Variants in ORC3 observed in about 807,000 individuals in gnomAD.
ORC3 encodes origin recognition complex subunit 3, also known as homolog of latheo, Drosophila.
In ORC3, 78 loss-of-function variants were observed where a neutral mutation model predicts 100.7. The ratio of observed to expected loss-of-function variants is 0.77; its 90% CI spans 0.65 to 0.94. The LOEUF (loss-of-function observed/expected upper bound fraction) is 0.94. ORC3 is among the 40% of genes least tolerant of loss of function. ORC3 has a pLI of 0.00. For synonymous variants in ORC3, 295 were observed against 289.3 expected, an observed-to-expected ratio of 1.02 and a Z score of -0.20; for missense variants, 789 against 823.9, an observed-to-expected ratio of 0.96 and a Z score of 0.52.
chr6:87,603,255 CA>C (rs1017892923), intron 3 of ORC3, 128 bp from the exon 4 acceptor site: 17 of 525,604 alleles, frequency 3.2e-5, no homozygotes, highest in Admixed American at 3.0e-4. Context: ...AAGGAAAAAA[CA>C]TTTTTTAATT....
intron 13 of ORC3, among the ~76,000 whole-genome samples, chr6:87,639,754 C>G (rs7765139): frequency 1.4e-5 from 2 of 144,790 alleles, no homozygotes; most frequent in African/African-American, 5.2e-5. Flanking sequence ...CCAAGGTGGG[C>G]GGATCACTTG....
At chr6:87,606,689 T>C (rs1049583262) in intron 5 of ORC3, among the ~76,000 whole-genome samples, 1 of 152,008 alleles carries the variant, frequency 6.6e-6, no homozygotes, top group African/African-American at 2.4e-5. Context: ...GCCATTACGC[T>C]CAGCTACATC....
rs762938777 is a variant in ORC3, at chr6:87,658,016, G to C, written c.1689G>C (p.Val563=). The C allele has an allele frequency of 1.7e-5, 26 of 1,566,502 alleles. 1 individual carries two copies. In the South Asian group the frequency reaches 2.7e-4, roughly 16 times the overall value. The change falls in exon 16 of 20, where the codon GTG becomes GTC. Residue 563 remains valine (V), a splice_region_variant and synonymous_variant. Coordinates refer to ENST00000392844, the MANE Select transcript of ORC3 (RefSeq NM_012381.4). ...ENVVNFIDCL[V]REYLLPPETQ... The stretch of plus-strand genomic sequence containing the variant: ...TTGTGAACTTCATTGACTGTCTAGT[G>C]AGGTAAGTCTAAATTTAGCTCTTAA...
chr6:87,672,637 A>T, the ORC3 span, among the ~76,000 whole-genome samples: 5 of 152,210 alleles, frequency 3.3e-5, no homozygotes, highest in African/African-American at 4.8e-5. Flanking sequence ...TGCTTAAATC[A>T]CCTAGGCAGC....
At chr6:87,657,053 A>G (rs2307379) in intron 15 of ORC3, 71 bp downstream of exon 15, 568,540 of 997,830 alleles carry the variant, frequency 0.57, 164,227 homozygotes, top group African/African-American at 0.73. Context: ...CTCTAGATTA[A>G]CTCTGCCTGG....
Position 87,621,971 on chromosome 6 carries a change from A to G in ORC3, c.1143A>G (p.Ser381=), listed in dbSNP as rs752501577. 2 of 1,608,606 alleles carry G rather than the reference A, an allele frequency of 1.2e-6. No individual in the cohort carries two copies. Among genetic ancestry groups the G allele is most frequent in the Non-Finnish European group, 1.7e-6 (2 of 1,176,564 alleles). The change falls in exon 11 of 20, where the codon TCA becomes TCG. Residue 381 remains serine (S), a synonymous_variant. Coordinates refer to ENST00000392844, the MANE Select transcript of ORC3 (RefSeq NM_012381.4). ...SFRRYVEKQA[S]EKQVALLTNE... ...CTAGGTACGTGGAAAAGCAAGCTTC[A>G]GAAAAGCAAGTTGCGCTCTTGACCA...
chr6:87,616,251 T>A, intron 8 of ORC3, 63 bp from the exon 9 acceptor site: 1 of 629,138 alleles, frequency 1.6e-6, no homozygotes, highest in Middle Eastern at 4.3e-4. Context: ...TATTAATACT[T>A]AGTATTTATG....
At chr6:87,610,981 G>C (rs1778721231) in intron 7 of ORC3, among the ~76,000 whole-genome samples, 1 of 133,342 alleles carries the variant, frequency 7.5e-6, no homozygotes, top group South Asian at 2.4e-4. Context: ...CTGTCACCCA[G>C]GCTAGAGCGC....
chr6:87,663,996 A>C (rs928128177), intron 17 of ORC3, among the ~76,000 whole-genome samples: 1 of 152,212 alleles, frequency 6.6e-6, no homozygotes, highest in Non-Finnish European at 1.5e-5. Context: ...AATGGTTTTC[A>C]GTGATGGTGA....
At chr6:87,635,338 TA>T (rs1200060076) in intron 12 of ORC3, among the ~76,000 whole-genome samples, 12 of 152,192 alleles carry the variant, frequency 7.9e-5, no homozygotes, top group African/African-American at 2.2e-4. Flanking sequence ...ACACCCAGAA[TA>T]AAAAGAGAAG....
rs959831307 is a variant in ORC3, at chr6:87,603,565, G to A, written c.322+37G>A. ...TATGTTTGTTCATGCATGCATCTCT[G>A]TGTATTTCGTTTTTAAATTTTTTTT... On this transcript the variant is annotated intron_variant, in intron 4 of 19. Transcript: ENST00000392844. 14 of 1,357,672 alleles carry A rather than the reference G, an allele frequency of 1.0e-5. No homozygotes were observed. The African/African-American group carries it at 1.6e-4, about 15-fold the overall frequency. The allele number at this position is 1,357,672 out of a possible 1,614,324, so 84.1% of individuals were successfully genotyped here. A position where few individuals can be genotyped will look rare whatever the true frequency, so the allele number is the denominator to read the frequency against.
intron 13 of ORC3, among the ~76,000 whole-genome samples, chr6:87,639,362 C>G (rs1263620287): frequency 6.6e-6 from 1 of 152,176 alleles, no homozygotes; most frequent in Admixed American, 6.5e-5. Context: ...CTTCTGCCTC[C>G]GCTGCTCTTA....
chr6:87,642,493 G>C (rs748589880), intron 13 of ORC3, among the ~76,000 whole-genome samples: 1 of 152,122 alleles, frequency 6.6e-6, no homozygotes, highest in Non-Finnish European at 1.5e-5. Flanking sequence ...TGAGGCAGGA[G>C]AATCAATTGA....
chr6:87,660,917 C>T (rs1437141462), intron 16 of ORC3, among the ~76,000 whole-genome samples: 1 of 152,208 alleles, frequency 6.6e-6, no homozygotes, highest in Non-Finnish European at 1.5e-5. Context: ...TATTTTGTTA[C>T]TGTTGTTGTT....
chr6:87,603,349 T>C (rs763540081), intron 3 of ORC3, 35 bp from the exon 4 acceptor site: 13 of 1,153,708 alleles, frequency 1.1e-5, no homozygotes, highest in Non-Finnish European at 1.5e-5. Context: ...GATTATTATT[T>C]CTAATAATAA....
the ORC3 span, among the ~76,000 whole-genome samples, chr6:87,674,893 T>C: frequency 6.6e-6 from 1 of 151,828 alleles, no homozygotes; most frequent in Non-Finnish European, 1.5e-5. Context: ...ATTCAAATAC[T>C]AACCCCATCT....
At chr6:87,659,254 G>A (rs1236510497) in intron 16 of ORC3, among the ~76,000 whole-genome samples, 1 of 151,606 alleles carries the variant, frequency 6.6e-6, no homozygotes, top group African/African-American at 2.4e-5. Context: ...AGTAGAGACG[G>A]GGTTTCACCA....
At chr6:87,629,675 A>G (rs1169758235) in intron 11 of ORC3, among the ~76,000 whole-genome samples, 1 of 152,192 alleles carries the variant, frequency 6.6e-6, no homozygotes. Context: ...ATTGTACCTA[A>G]TAAATAATTT....
rs542724709 is a variant in ORC3 at position 87,605,665 on chromosome 6, A to C, written c.323-252A>C. ...ATTCTGTCTCAAAAAAAAAAAAAAG[A>C]AGCTTTCAAGTGCACATCCCAGTAA... On this transcript the variant is annotated intron_variant, in intron 4 of 19. Coordinates refer to ENST00000392844, the MANE Select transcript of ORC3 (RefSeq NM_012381.4). Among the ~76,000 whole-genome samples the C allele has an allele frequency of 2.7e-3, 416 of 151,956 alleles. 1 individual carries two copies. The highest frequency in any genetic ancestry group is 8.9e-3 in the African/African-American group (367 of 41,420).
Sources: gnomAD v4.1 joint callset for allele counts (sites outside exome capture counted in the v4.1 genomes callset) on GRCh38, gnomAD v4.1.1 for gene constraint, MANE v1.5 for transcripts, NCBI Gene and HGNC (gene_info 2026-07-23, HGNC 2026-07-21) for gene names.